Variants in CHST6 observed in about 807,000 individuals in gnomAD.
The protein encoded by CHST6 is carbohydrate sulfotransferase 6.
For missense variants in CHST6, 698 were observed against 586.2 expected (o/e 1.19, Z -1.97); for synonymous variants, 309 against 276.4 (o/e 1.12, Z -1.17).
intron 2 of CHST6, among the ~76,000 whole-genome samples, chr16:75,480,067 T>C (rs1224634155): frequency 6.6e-6 from 1 of 152,122 alleles, no homozygotes; most frequent in East Asian, 1.9e-4. Flanking sequence ...GTCGGAAATC[T>C]GTCTACATGT....
chr16:75,494,217 A>C (rs927285635), intron 1 of CHST6, among the ~76,000 whole-genome samples: 1 of 152,066 alleles, frequency 6.6e-6, no homozygotes, highest in African/African-American at 2.4e-5. Context: ...TGTGACTTAG[A>C]GCAAGTCACT....
rs1305509986 is a variant in CHST6 at position 75,475,758 on chromosome 16, T to G, written c.*2883A>C. 6.6e-6 allele frequency: 1 copy of G among 152,168 alleles called. No homozygotes were observed. Among genetic ancestry groups the G allele is most frequent in the Non-Finnish European group, 1.5e-5 (1 of 68,050 alleles). The allele number at this position is 152,168 out of a possible 1,614,324, so 9.4% of individuals were successfully genotyped here. A position where few individuals can be genotyped will look rare whatever the true frequency, so the allele number is the denominator to read the frequency against. On this transcript the variant is annotated 3_prime_UTR_variant, in exon 3 of 3. Transcript: ENST00000332272. ...GAGTCAGGGGAGAATGGATGGGTCA[T>G]ACAACAAAGGACTTGGATACCAAGA...
chr16:75,493,539 A>T (rs138472531), intron 1 of CHST6, among the ~76,000 whole-genome samples: 1 of 151,448 alleles, frequency 6.6e-6, no homozygotes, highest in Non-Finnish European at 1.5e-5. Context: ...AAAAATCTGT[A>T]AAGTGGGGGA....
rs376212281 is a variant in CHST6 at position 75,479,534 on chromosome 16, C to T, written c.295G>A (p.Val99Ile). The T allele has an allele frequency of 9.3e-6, 15 of 1,612,764 alleles. No homozygotes were observed. Among genetic ancestry groups the T allele is most frequent in the African/African-American group, 6.7e-5 (5 of 74,890 alleles). ...HMAVRDLVRS[V>I]FLCDMDVFDA... ...AACACGTCCATGTCGCACAGGAAGA[C>T]GGAGCGCACCAGGTCGCGCACAGCC... Residue 99 changes from valine (V) to isoleucine (I), a missense_variant, in exon 3 of 3, where the codon GTC (valine) becomes ATC (isoleucine). By Grantham distance (29) the Val-to-Ile change is conservative. Transcript: ENST00000332272.
In CHST6 at chr16:75,475,445, G is replaced by T. The variant is rs1236259235; in HGVS notation, c.*3196C>A. On this transcript the variant is annotated 3_prime_UTR_variant, in exon 3 of 3. Coordinates refer to ENST00000332272, the MANE Select transcript of CHST6 (RefSeq NM_021615.5). Reference sequence around the variant, plus strand: ...GTCAACACAGCAAACCACTAACAGTGGTCAATGCAGTCACCCCCACAGCAA... The same window carrying T: ...GTCAACACAGCAAACCACTAACAGTTGTCAATGCAGTCACCCCCACAGCAA... The T allele has an allele frequency of 6.6e-6, 1 of 152,302 alleles. No individual in the cohort carries two copies. Among genetic ancestry groups the T allele is most frequent in the Non-Finnish European group, 1.5e-5 (1 of 68,144 alleles). 9.4% of individuals were successfully genotyped at this position (152,302 alleles called of 1,614,324 possible). A position where few individuals can be genotyped will look rare whatever the true frequency, so the allele number is the denominator to read the frequency against.
At chr16:75,486,095 C>T (rs1298128506) in intron 1 of CHST6, among the ~76,000 whole-genome samples, 1 of 152,210 alleles carries the variant, frequency 6.6e-6, no homozygotes, top group Non-Finnish European at 1.5e-5. Flanking sequence ...TCTCTCCCAA[C>T]TCCCTCACCC....
At chr16:75,485,214 G>A (rs956851705) in intron 1 of CHST6, among the ~76,000 whole-genome samples, 1 of 152,116 alleles carries the variant, frequency 6.6e-6, no homozygotes, top group Non-Finnish European at 1.5e-5. Context: ...CCTAAGCAGT[G>A]GTCCTTCTTA....
At position 75,478,769 on chromosome 16, in the gene CHST6, GCAGCGCAC is replaced by G. The variant is rs749843355; in HGVS notation, c.1052_1059del (p.Gly351AlafsTer11). 4.3e-6 allele frequency: 7 copies of G among 1,613,396 alleles called. No homozygotes were observed. In the African/African-American group the frequency reaches 8.0e-5, roughly 18 times the overall value. On this transcript the variant is annotated frameshift_variant, in exon 3 of 3. Transcript: ENST00000332272. LOFTEE classifies it low-confidence loss of function (END_TRUNC). ...TACACAGGCCGGTAGCCCAGCAGCT[GCAGCGCAC>G]CAGCGCACAGTTCCTGCACGCGGCG... is the stretch of plus-strand genomic sequence containing the variant.
At chr16:75,490,010 C>G (rs2080238750) in intron 1 of CHST6, among the ~76,000 whole-genome samples, 1 of 149,606 alleles carries the variant, frequency 6.7e-6, no homozygotes, top group African/African-American at 2.5e-5. Flanking sequence ...AACCCCGTCT[C>G]TACTAAAAAT....
At position 75,479,777 on chromosome 16, in the gene CHST6, GC is replaced by G. The variant is rs750404930; in HGVS notation, c.51del (p.Gln18ArgfsTer52). 85 of 1,594,112 alleles carry G rather than the reference GC, an allele frequency of 5.3e-5. No individual in the cohort carries two copies. Among genetic ancestry groups the G allele is most frequent in the Non-Finnish European group, 7.2e-5 (84 of 1,171,730 alleles). On this transcript the variant is annotated frameshift_variant, in exon 3 of 3. Coordinates refer to ENST00000332272, the MANE Select transcript of CHST6 (RefSeq NM_021615.5). LOFTEE classifies it low-confidence loss of function (END_TRUNC). ...ACCAGAAAGAGGAGGAGGAAGGTCTGCGCCAGGAGGAGCGCGGTCACTGCTG... is the reference window on the plus strand; with the variant it reads ...ACCAGAAAGAGGAGGAGGAAGGTCTGGCCAGGAGGAGCGCGGTCACTGCTG... Reference protein sequence around the residue: ...SSTAVTALLLAQTFLLLFLVS... With the variant: ...SSTAVTALLLXQTFLLLFLVS...
chr16:75,474,028 AGCC>A lies in CHST6; in HGVS notation c.*4610_*4612del, dbSNP rs2080040804. On this transcript the variant is annotated 3_prime_UTR_variant, in exon 3 of 3. Transcript: ENST00000332272. ...CTCTACTAAAAATACAAAAAAAATT[AGCC>A]GGGCGTGGTGGTGTACATCTGTAAT... The A allele has an allele frequency of 6.6e-6, 1 of 152,136 alleles. No homozygotes were observed. Among genetic ancestry groups the A allele is most frequent in the Non-Finnish European group, 1.5e-5 (1 of 68,036 alleles). The allele number at this position is 152,136 out of a possible 1,614,324, so 9.4% of individuals were successfully genotyped here.
chr16:75,479,014 C>T lies in CHST6; in HGVS notation c.815G>A (p.Arg272His), dbSNP rs745966069. 4.3e-6 allele frequency: 7 copies of T among 1,611,164 alleles called. No homozygotes were observed. Among genetic ancestry groups the T allele is most frequent in the Admixed American group, 3.3e-5 (2 of 60,002 alleles). Residue 272 changes from arginine (R) to histidine (H), a missense_variant, in exon 3 of 3, where the codon CGC becomes CAC. By Grantham distance (29) the Arg-to-His change is conservative. Transcript: ENST00000332272. ...CGGCTCCCGCGCCAGGTCCTCGAAG[C>T]GCACCAGGCGGTAGCGGCCGCGCAG... ...PFLRGRYRLV[R>H]FEDLAREPLA...
In CHST6 at chr16:75,476,883, T is replaced by A. The variant is rs571537815; in HGVS notation, c.*1758A>T. The A allele has an allele frequency of 7.2e-5, 11 of 152,258 alleles. No individual in the cohort carries two copies. In the East Asian group the frequency reaches 2.2e-3, roughly 30 times the overall value. The allele number at this position is 152,258 out of a possible 1,614,324, so 9.4% of individuals were successfully genotyped here. A position where few individuals can be genotyped will look rare whatever the true frequency, so the allele number is the denominator to read the frequency against. On this transcript the variant is annotated 3_prime_UTR_variant, in exon 3 of 3. Coordinates refer to ENST00000332272, the MANE Select transcript of CHST6 (RefSeq NM_021615.5). ...CCTCAGCTTCCCGAGGAGCTGGGATTACAGGTATGTGCGACCATGCCTCGC... is the reference window on the plus strand; with the variant it reads ...CCTCAGCTTCCCGAGGAGCTGGGATAACAGGTATGTGCGACCATGCCTCGC...
At chr16:75,493,941 T>C (rs1357162199) in intron 1 of CHST6, among the ~76,000 whole-genome samples, 1 of 152,100 alleles carries the variant, frequency 6.6e-6, no homozygotes, top group Non-Finnish European at 1.5e-5. Context: ...GCCTCCTGGG[T>C]TCAAGTGATT....
rs2080031605 is a variant in CHST6, at chr16:75,472,747, T to A, written c.*5894A>T. 6.6e-6 allele frequency: 1 copy of A among 152,178 alleles called. No homozygotes were observed. The highest frequency in any genetic ancestry group is 6.6e-5 in the Admixed American group (1 of 15,254). 9.4% of individuals were successfully genotyped at this position (152,178 alleles called of 1,614,324 possible). On this transcript the variant is annotated 3_prime_UTR_variant, in exon 3 of 3. Transcript: ENST00000332272. ...TGATGTGGATAATATATCTTCTTGA[T>A]GCAAAATAACAAAAATAAGGCCCAC...
At chr16:75,481,944 A>C in intron 1 of CHST6, 53 bp from the exon 2 acceptor site, 1 of 442,280 alleles carries the variant, frequency 2.3e-6, no homozygotes, top group Non-Finnish European at 4.6e-6. Context: ...AGATAGCCCC[A>C]AAAGCGACAC....
At chr16:75,484,745 G>A (rs2080177504) in intron 1 of CHST6, among the ~76,000 whole-genome samples, 1 of 152,112 alleles carries the variant, frequency 6.6e-6, no homozygotes, top group Non-Finnish European at 1.5e-5. Context: ...TTGGGAAGCT[G>A]AGGCAGGAGA....
intron 1 of CHST6, among the ~76,000 whole-genome samples, chr16:75,491,193 ATATATATAT>A (rs2080252712): frequency 1.5e-5 from 1 of 66,052 alleles, no homozygotes; most frequent in Non-Finnish European, 3.0e-5. Flanking sequence ...AAAAAAAAAT[ATATATATAT>A]ATATATATAT....
rs1218294686 is a variant in CHST6 at position 75,478,546 on chromosome 16, G to C, written c.*95C>G. The stretch of plus-strand genomic sequence containing the variant: ...GAGGGGTCGTACCACAAACTCCTTG[G>C]TCAATATAGGGACCTGCTTCTCCGT... On this transcript the variant is annotated 3_prime_UTR_variant, in exon 3 of 3. Coordinates refer to ENST00000332272, the MANE Select transcript of CHST6 (RefSeq NM_021615.5). The C allele has an allele frequency of 7.8e-7, 1 of 1,275,924 alleles. No individual in the cohort carries two copies. Among genetic ancestry groups the C allele is most frequent in the African/African-American group, 1.5e-5 (1 of 68,302 alleles). 79.0% of individuals were successfully genotyped at this position (1,275,924 alleles called of 1,614,324 possible).
Sources: gnomAD v4.1 joint callset for allele counts (sites outside exome capture counted in the v4.1 genomes callset) on GRCh38, gnomAD v4.1.1 for gene constraint, MANE v1.5 for transcripts, NCBI Gene and HGNC (gene_info 2026-07-23, HGNC 2026-07-21) for gene names.